ARPC4: variants seen among roughly 807,000 people sequenced by gnomAD.
The protein encoded by ARPC4 is actin-related protein 2/3 complex subunit 4.
Under a neutral mutation model 22.8 loss-of-function variants are expected in ARPC4, and 3 were observed. That is an observed-to-expected ratio of 0.13 (90% CI 0.06 to 0.34). ARPC4 has a LOEUF of 0.34. Ranked by LOEUF, ARPC4 falls within the 10% of genes least tolerant of loss-of-function variation. The pLI, the probability that ARPC4 is intolerant of heterozygous loss-of-function variation, is 1.00. For synonymous variants in ARPC4, 80 were observed against 72.5 expected, an observed-to-expected ratio of 1.10 and a Z score of -0.52; for missense variants, 98 against 211.0, an observed-to-expected ratio of 0.46 and a Z score of 3.32.
At chr3:9,806,035 G>T (rs1000375701) in intron 5 of ARPC4, among the ~76,000 whole-genome samples, 175 bp from the exon 6 acceptor site, 2 of 152,206 alleles carry the variant, frequency 1.3e-5, no homozygotes, top group Non-Finnish European at 2.9e-5. Context: ...GTGCCCATAG[G>T]TCACTTCTGA....
chr3:9,793,798 T>C (rs2078814189), intron 1 of ARPC4, among the ~76,000 whole-genome samples: 1 of 151,748 alleles, frequency 6.6e-6, no homozygotes, highest in Non-Finnish European at 1.5e-5. Flanking sequence ...TTCCTGGGAG[T>C]TGTGACTTTG....
intron 3 of ARPC4, among the ~76,000 whole-genome samples, chr3:9,800,958 C>T (rs2078994680): frequency 6.6e-6 from 1 of 151,888 alleles, no homozygotes; most frequent in African/African-American, 2.4e-5. Context: ...TGCCTGTAAT[C>T]CCAGCACTTT....
chr3:9,797,104 G>A (rs556784912), intron 1 of ARPC4, among the ~76,000 whole-genome samples: 1 of 151,950 alleles, frequency 6.6e-6, no homozygotes, highest in African/African-American at 2.4e-5. Flanking sequence ...TTGCTATCCA[G>A]TTGAGCTGTT....
chr3:9,793,295 A>C lies in ARPC4; in HGVS notation c.3+171A>C, dbSNP rs2078795377. On this transcript the variant is annotated intron_variant, in intron 1 of 5. Coordinates refer to ENST00000397261, the MANE Select transcript of ARPC4 (RefSeq NM_005718.5). ...ACGGGGCGGGGGCCCGAGGTGAGGA[A>C]GGGGCGAGTGGGGGTACTCCCTGGT... 3 of 1,288,812 alleles carry C rather than the reference A, an allele frequency of 2.3e-6. No homozygotes were observed. The South Asian group carries it at 4.6e-5, about 20-fold the overall frequency. The allele number at this position is 1,288,812 out of a possible 1,614,324, so 79.8% of individuals were successfully genotyped here. A position where few individuals can be genotyped will look rare whatever the true frequency, so the allele number is the denominator to read the frequency against.
chr3:9,806,295 C>T lies in ARPC4; in HGVS notation c.*80C>T, dbSNP rs2079106087. 2.6e-6 allele frequency: 4 copies of T among 1,527,072 alleles called. No individual in the cohort carries two copies. The highest frequency in any genetic ancestry group is 3.6e-6 in the Non-Finnish European group (4 of 1,100,906). The allele number at this position is 1,527,072 out of a possible 1,614,324, so 94.6% of individuals were successfully genotyped here. ...AGGCGTCCTGGAGTCACTCCCCGAG[C>T]AGCGCGGCGGCGGCAGGGAGTTGGG... On this transcript the variant is annotated 3_prime_UTR_variant, in exon 6 of 6. Transcript: ENST00000397261.
rs1056551 is a variant in ARPC4, at chr3:9,807,044, C to G, written c.*829C>G. 1 of 152,878 alleles carries G rather than the reference C, an allele frequency of 6.5e-6. No homozygotes were observed. The highest frequency in any genetic ancestry group is 2.4e-5 in the African/African-American group (1 of 41,486). The allele number at this position is 152,878 out of a possible 1,614,324, so 9.5% of individuals were successfully genotyped here. ...CACGCTAGCTGTCCCTTTTCTGATT[C>G]TGGTGGATCCTCCCTCCCCTAATTA... On this transcript the variant is annotated 3_prime_UTR_variant, in exon 6 of 6. Coordinates refer to ENST00000397261, the MANE Select transcript of ARPC4 (RefSeq NM_005718.5).
At chr3:9,795,963 G>T (rs1001259964) in intron 1 of ARPC4, among the ~76,000 whole-genome samples, 3 of 152,080 alleles carry the variant, frequency 2.0e-5, no homozygotes, top group Non-Finnish European at 4.4e-5. Context: ...AGGCACGGTG[G>T]TGCACACTTG....
At chr3:9,801,825 T>C in intron 4 of ARPC4, 69 bp downstream of exon 4, 1 of 1,443,462 alleles carries the variant, frequency 6.9e-7, no homozygotes, top group Non-Finnish European at 9.4e-7. Flanking sequence ...GGATTGTTTC[T>C]AGAACCAGCT....
chr3:9,792,733 G>T, upstream of ARPC4: 1 of 1,240,260 alleles, frequency 8.1e-7, no homozygotes, highest in Non-Finnish European at 1.0e-6. Context: ...AAGGATGGGG[G>T]TACAGAACCG....
chr3:9,794,785 C>T (rs2078845846), intron 1 of ARPC4, among the ~76,000 whole-genome samples: 1 of 152,192 alleles, frequency 6.6e-6, no homozygotes, highest in Non-Finnish European at 1.5e-5. Flanking sequence ...TCAGTCCTCT[C>T]CTTCCCACCC....
intron 1 of ARPC4, among the ~76,000 whole-genome samples, chr3:9,796,433 G>C (rs751128731): frequency 6.6e-6 from 1 of 152,006 alleles, no homozygotes; most frequent in Non-Finnish European, 1.5e-5. Context: ...ACATTTTTTT[G>C]TCAATTGTAA....
At chr3:9,800,150 T>C (rs1180798700) in intron 2 of ARPC4, 35 bp from the exon 3 acceptor site, 3 of 1,609,154 alleles carry the variant, frequency 1.9e-6, no homozygotes, top group Non-Finnish European at 2.5e-6. Context: ...TCTATCCCTC[T>C]GTAGTACAAG....
chr3:9,802,237 CAAAAAAAAAAAAAAA>C (rs1159841703), intron 4 of ARPC4, among the ~76,000 whole-genome samples: 2 of 50,282 alleles, frequency 4.0e-5, no homozygotes, highest in Non-Finnish European at 6.7e-5. Context: ...GACTCCGTCT[CAAAAAAAAAAAAAAA>C]AAAAAAAAAG....
Position 9,800,287 on chromosome 3 carries a change from T to C in ARPC4, c.225T>C (p.Ala75=). The change falls in exon 3 of 6, where the codon GCT becomes GCC. Residue 75 remains alanine (A), a synonymous_variant. Coordinates refer to ENST00000397261, the MANE Select transcript of ARPC4 (RefSeq NM_005718.5). ...TCAACTCTGTCCGGGTCAGCATTGC[T>C]GTGAAACAGGTAAGTTCACCATGGA... ...GSINSVRVSI[A]VKQADEIEKI... is the part of the protein sequence containing the mutation. The C allele has an allele frequency of 6.2e-7, 1 of 1,614,112 alleles. No homozygotes were observed. Among genetic ancestry groups the C allele is most frequent in the African/African-American group, 1.3e-5 (1 of 75,040 alleles).
chr3:9,800,613 CAG>C (rs1439991251), intron 3 of ARPC4, among the ~76,000 whole-genome samples: 2 of 152,038 alleles, frequency 1.3e-5, no homozygotes, highest in African/African-American at 4.8e-5. Flanking sequence ...TTAGTAGAGA[CAG>C]AGTTTCACCA....
At chr3:9,795,298 T>G (rs1396287686) in intron 1 of ARPC4, among the ~76,000 whole-genome samples, 1 of 152,056 alleles carries the variant, frequency 6.6e-6, no homozygotes, top group Non-Finnish European at 1.5e-5. Context: ...CTGGGAAGTT[T>G]TTTTTCAGTT....
rs1042642376 is a variant in ARPC4, at chr3:9,806,507, C to A, written c.*292C>A. On this transcript the variant is annotated 3_prime_UTR_variant, in exon 6 of 6. Transcript: ENST00000397261. ...ACTCTGTGCTTGTAGGATACTGTAACCTTTTTGTCTTTTTTTTTTTTTTTT... is the reference window on the plus strand; with the variant it reads ...ACTCTGTGCTTGTAGGATACTGTAAACTTTTTGTCTTTTTTTTTTTTTTTT... 1.3e-5 allele frequency: 6 copies of A among 448,840 alleles called. No homozygotes were observed. The highest frequency in any genetic ancestry group is 4.1e-5 in the East Asian group (1 of 24,198). 27.8% of individuals were successfully genotyped at this position (448,840 alleles called of 1,614,324 possible).
intron 2 of ARPC4, among the ~76,000 whole-genome samples, chr3:9,798,367 T>A (rs572620578): frequency 5.9e-5 from 9 of 152,120 alleles, no homozygotes; most frequent in African/African-American, 2.2e-4. Flanking sequence ...GTAGATCGCT[T>A]GAGTACAGGA....
chr3:9,798,226 T>G (rs1406565902), intron 2 of ARPC4: 1 of 154,046 alleles, frequency 6.5e-6, no homozygotes, highest in Non-Finnish European at 1.4e-5. Context: ...TCCAAATACT[T>G]CATATTTTGA....
Sources: allele counts gnomAD v4.1 joint callset (sites outside exome capture counted in the v4.1 genomes callset), GRCh38; gene constraint gnomAD v4.1.1; transcripts MANE v1.5; gene names NCBI Gene and HGNC (gene_info 2026-07-23, HGNC 2026-07-21).